Variants in RPS6KC1 observed in about 807,000 individuals in gnomAD.
RPS6KC1 encodes inactive ribosomal protein S6 kinase delta-1.
A neutral mutation model predicts 103.8 loss-of-function variants in RPS6KC1; 54 were observed. The ratio of observed to expected loss-of-function variants is 0.52; its 90% CI spans 0.42 to 0.65. The LOEUF is 0.65. Ranked by LOEUF, RPS6KC1 falls within the 30% of genes least tolerant of loss-of-function variation. RPS6KC1 has a pLI of 0.00. For missense variants in RPS6KC1, 1,151 were observed against 1,253.8 expected, an observed-to-expected ratio of 0.92 and a Z score of 1.24; for synonymous variants, 439 against 438.7, an observed-to-expected ratio of 1.00 and a Z score of -0.01.
chr1:213,260,518 C>G (rs1015306592), intron 12 of RPS6KC1, among the ~76,000 whole-genome samples: 21 of 152,158 alleles, frequency 1.4e-4, no homozygotes, highest in Non-Finnish European at 2.1e-4. Context: ...AGTACATTGA[C>G]TAAGCATTGG....
rs573792172 is a variant in RPS6KC1 at position 213,129,825 on chromosome 1, C to A, written c.771C>A (p.Asp257Glu). Reference sequence around the variant, plus strand: ...TGGCTTTAAAAAAGGAAGAAGAAGACGACTATGAAGCTGCTTCTGATTTTT... The same window carrying A: ...TGGCTTTAAAAAAGGAAGAAGAAGAAGACTATGAAGCTGCTTCTGATTTTT... ...IKLALKKEEE[D>E]DYEAASDFYR... Residue 257 changes from aspartate to glutamate, a missense_variant, in exon 6 of 15, where the codon GAC becomes GAA. Transcript: ENST00000366960. 1.2e-6 allele frequency: 2 copies of A among 1,612,702 alleles called. No homozygotes were observed. Among genetic ancestry groups the A allele is most frequent in the Non-Finnish European group, 1.7e-6 (2 of 1,179,606 alleles).
chr1:213,808,627 T>C, the RPS6KC1 span, among the ~76,000 whole-genome samples: 1 of 152,232 alleles, frequency 6.6e-6, no homozygotes, highest in Non-Finnish European at 1.5e-5. Context: ...TTTAAGCCCA[T>C]TGGAAAAGCG....
At chr1:213,747,444 G>T in the RPS6KC1 span, among the ~76,000 whole-genome samples, 1 of 152,116 alleles carries the variant, frequency 6.6e-6, no homozygotes, top group Non-Finnish European at 1.5e-5. Flanking sequence ...CTCCTTTGAA[G>T]GATTCCACTG....
At chr1:213,379,869 T>A in the RPS6KC1 span, among the ~76,000 whole-genome samples, 1 of 152,204 alleles carries the variant, frequency 6.6e-6, no homozygotes, top group South Asian at 2.1e-4. Context: ...GCTTTCACAC[T>A]CTTGGTGGGA....
chr1:213,596,499 C>T, the RPS6KC1 span, among the ~76,000 whole-genome samples: 1 of 152,220 alleles, frequency 6.6e-6, no homozygotes, highest in Non-Finnish European at 1.5e-5. Context: ...ATGGATTTGA[C>T]TTTGATGGAA....
intron 8 of RPS6KC1, among the ~76,000 whole-genome samples, chr1:213,215,254 G>A (rs923369324): frequency 4.6e-5 from 7 of 152,250 alleles, no homozygotes; most frequent in African/African-American, 9.6e-5. Flanking sequence ...TAGCCGATGC[G>A]ATCAACTGGA....
intron 6 of RPS6KC1, among the ~76,000 whole-genome samples, chr1:213,150,621 G>A (rs1431653115): frequency 6.6e-6 from 1 of 151,562 alleles, no homozygotes; most frequent in Non-Finnish European, 1.5e-5. Context: ...AGAGAGCACA[G>A]GGTTGGAGGT....
At chr1:213,346,555 G>A in the RPS6KC1 span, among the ~76,000 whole-genome samples, 8 of 152,000 alleles carry the variant, frequency 5.3e-5, no homozygotes, top group East Asian at 1.9e-4. Flanking sequence ...TGGTTATCTC[G>A]GAGTAATGGG....
intron 8 of RPS6KC1, among the ~76,000 whole-genome samples, chr1:213,225,764 T>C (rs990071505): frequency 6.6e-6 from 1 of 152,238 alleles, no homozygotes; most frequent in Non-Finnish European, 1.5e-5. Flanking sequence ...ACTCCTGATT[T>C]GTGCAGGTAT....
the RPS6KC1 span, among the ~76,000 whole-genome samples, chr1:213,807,750 T>C: frequency 6.6e-6 from 1 of 152,230 alleles, no homozygotes; most frequent in Non-Finnish European, 1.5e-5. Flanking sequence ...CGTAGTTTGA[T>C]TGTCTGAAGC....
At chr1:213,343,658 G>A in the RPS6KC1 span, among the ~76,000 whole-genome samples, 68 of 151,284 alleles carry the variant, frequency 4.5e-4, no homozygotes, top group African/African-American at 1.6e-3. Flanking sequence ...AGGGTGGGAG[G>A]GGGGTGAGGG....
At chr1:213,162,472 G>A (rs2090573193) in intron 6 of RPS6KC1, among the ~76,000 whole-genome samples, 1 of 151,992 alleles carries the variant, frequency 6.6e-6, no homozygotes, top group African/African-American at 2.4e-5. Flanking sequence ...TTGTAAAGAT[G>A]GGGTCCCACT....
the RPS6KC1 span, among the ~76,000 whole-genome samples, chr1:213,444,403 G>A: frequency 1.3e-5 from 2 of 152,190 alleles, no homozygotes; most frequent in African/African-American, 4.8e-5. Flanking sequence ...AGCGGCCCCA[G>A]TTAAGCTGGT....
At chr1:213,575,332 A>T in the RPS6KC1 span, among the ~76,000 whole-genome samples, 33 of 152,272 alleles carry the variant, frequency 2.2e-4, no homozygotes, top group South Asian at 6.8e-3. Flanking sequence ...ATCCACCAGG[A>T]TGATGCTGGT....
the RPS6KC1 span, among the ~76,000 whole-genome samples, chr1:213,627,699 G>A: frequency 6.6e-6 from 1 of 152,096 alleles, no homozygotes; most frequent in African/African-American, 2.4e-5. Context: ...TTTTGTCATT[G>A]GTTCTGTTTA....
chr1:213,157,639 T>C (rs1379759256), intron 6 of RPS6KC1, among the ~76,000 whole-genome samples: 3 of 152,256 alleles, frequency 2.0e-5, no homozygotes, highest in African/African-American at 7.2e-5. Flanking sequence ...CTGTGTGTGC[T>C]TATAAGAAGC....
the RPS6KC1 span, among the ~76,000 whole-genome samples, chr1:213,333,225 A>G: frequency 6.6e-6 from 1 of 152,202 alleles, no homozygotes; most frequent in East Asian, 1.9e-4. Context: ...GAGCCAGCCA[A>G]CTGGTCTTGT....
At chr1:213,110,844 G>A (rs760590202) in intron 4 of RPS6KC1, among the ~76,000 whole-genome samples, 1 of 151,978 alleles carries the variant, frequency 6.6e-6, no homozygotes, top group Non-Finnish European at 1.5e-5. Flanking sequence ...CCTGCTGTCT[G>A]GTCTTTTCCT....
the RPS6KC1 span, among the ~76,000 whole-genome samples, chr1:213,614,133 A>T: frequency 6.6e-6 from 1 of 152,230 alleles, no homozygotes; most frequent in African/African-American, 2.4e-5. Flanking sequence ...CAGCTACAAT[A>T]GTAGCTGAGG....
Sources: allele counts gnomAD v4.1 joint callset (sites outside exome capture counted in the v4.1 genomes callset), GRCh38; gene constraint gnomAD v4.1.1; transcripts MANE v1.5; gene names NCBI Gene and HGNC (gene_info 2026-07-23, HGNC 2026-07-21).